DNAH6: variants seen among roughly 807,000 people sequenced by gnomAD.
The protein encoded by DNAH6 is axonemal beta dynein heavy chain 6.
Under a neutral mutation model 491.4 loss-of-function variants are expected in DNAH6, and 340 were observed. The observed-to-expected ratio is 0.69, with a 90% CI of 0.63 to 0.76. The LOEUF (loss-of-function observed/expected upper bound fraction) is 0.76, where lower values mean the gene tolerates loss of function less well. Among genes scored for constraint, DNAH6 ranks in the 30% least tolerant of loss-of-function variants. The probability of loss-of-function intolerance (pLI) is 0.00; values close to 1 mark genes in which losing one functional copy is unlikely to be tolerated. For synonymous variants in DNAH6, 1,603 were observed against 1,686.1 expected (o/e 0.95, Z 1.21); for missense variants, 4,443 against 4,972.2 (o/e 0.89, Z 3.20).
rs1475841765 is a variant in DNAH6 at position 84,805,764 on chromosome 2, C to T, written c.11581C>T (p.Leu3861Phe). 13 of 1,551,358 alleles carry T rather than the reference C, an allele frequency of 8.4e-6. 1 individual carries two copies. In the South Asian group the frequency reaches 1.5e-4, roughly 18 times the overall value. The change falls in exon 71 of 77, where the codon CTT becomes TTT. Residue 3861 changes from leucine (L) to phenylalanine (F), a missense_variant. By Grantham distance (22) the Leu-to-Phe change is conservative (BLOSUM62 0). Around this residue, in one of 3 missense-constraint regions of DNAH6, gnomAD observed 1,463 missense variants for 1,656.6 expected, o/e 0.88. Transcript: ENST00000389394. Reference protein sequence around the residue: ...GKSNDEIVQELVASVQTRVPE... With the variant: ...GKSNDEIVQEFVASVQTRVPE... ...AAGCAATGACGAAATTGTTCAAGAA[C>T]TTGTTGCTTCTGTCCAGACCAGAGT...
At chr2:84,807,640 G>T (rs917868518) in intron 71 of DNAH6, among the ~76,000 whole-genome samples, 7 of 152,106 alleles carry the variant, frequency 4.6e-5, no homozygotes, top group Non-Finnish European at 1.0e-4. Context: ...GGGTCCCTGG[G>T]CCGTCTAGTC....
chr2:84,753,755 TAAAAAAAAAAAA>T (rs1162541312), intron 63 of DNAH6, among the ~76,000 whole-genome samples: 25 of 77,148 alleles, frequency 3.2e-4, no homozygotes, highest in African/African-American at 1.4e-3. Flanking sequence ...GAAACTCTGT[TAAAAAAAAAAAA>T]AAAAAAAAAA....
At chr2:84,695,916 GT>G (rs1297158289) in intron 46 of DNAH6, among the ~76,000 whole-genome samples, 1 of 151,990 alleles carries the variant, frequency 6.6e-6, no homozygotes, top group Non-Finnish European at 1.5e-5. Flanking sequence ...ACTACATTCT[GT>G]TGGAAGCCCC....
intron 37 of DNAH6, among the ~76,000 whole-genome samples, chr2:84,660,463 A>G (rs1691393663): frequency 6.6e-6 from 1 of 152,278 alleles, no homozygotes; most frequent in Non-Finnish European, 1.5e-5. Context: ...ATACCAACTA[A>G]CCTATGCAGA....
chr2:84,651,249 T>C (rs903618178), intron 33 of DNAH6, among the ~76,000 whole-genome samples: 2 of 152,126 alleles, frequency 1.3e-5, no homozygotes, highest in Non-Finnish European at 2.9e-5. Context: ...TATTCTTGGG[T>C]AGGGCTGGAA....
At chr2:84,689,378 A>G (rs567049732) in intron 45 of DNAH6, among the ~76,000 whole-genome samples, 59 of 152,146 alleles carry the variant, frequency 3.9e-4, no homozygotes, top group Non-Finnish European at 7.5e-4. Context: ...GATTCATTTT[A>G]TCATCTCTCA....
At chr2:84,497,958 A>T in the DNAH6 span, among the ~76,000 whole-genome samples, 23 of 152,278 alleles carry the variant, frequency 1.5e-4, no homozygotes, top group East Asian at 4.4e-3. Context: ...CCACATCCCT[A>T]GAAGAGGTCT....
chr2:84,521,922 C>T (rs914414434), intron 2 of DNAH6, among the ~76,000 whole-genome samples: 9 of 151,816 alleles, frequency 5.9e-5, no homozygotes, highest in African/African-American at 2.2e-4. Flanking sequence ...CTCCAGTGTT[C>T]TTCTTTATGC....
At chr2:84,701,370 T>C in intron 49 of DNAH6, 31 bp downstream of exon 49, 1 of 1,534,402 alleles carries the variant, frequency 6.5e-7, no homozygotes, top group Non-Finnish European at 8.8e-7. Context: ...GAAAATATTG[T>C]TTTGCTTGAA....
At chr2:84,792,757 A>G (rs963191170) in intron 68 of DNAH6, among the ~76,000 whole-genome samples, 1 of 152,194 alleles carries the variant, frequency 6.6e-6, no homozygotes, top group African/African-American at 2.4e-5. Flanking sequence ...GTTAGCAATT[A>G]TGGTCTTTTA....
intron 70 of DNAH6, among the ~76,000 whole-genome samples, chr2:84,800,575 A>G (rs1678788851): frequency 6.6e-6 from 1 of 152,200 alleles, no homozygotes; most frequent in Non-Finnish European, 1.5e-5. Flanking sequence ...AGAGCTTCTG[A>G]AATTGAAAAT....
chr2:84,814,435 A>G (rs1680296107), intron 75 of DNAH6, among the ~76,000 whole-genome samples: 1 of 152,236 alleles, frequency 6.6e-6, no homozygotes, highest in South Asian at 2.1e-4. Flanking sequence ...AAACGAGAGA[A>G]GCCTGAGTTT....
chr2:84,718,124 TACAA>T, intron 58 of DNAH6, 76 bp from the exon 59 acceptor site: 1 of 1,212,754 alleles, frequency 8.2e-7, no homozygotes, highest in Non-Finnish European at 1.1e-6. Context: ...TAAGAACGAT[TACAA>T]ACAGAGAAAG....
intron 76 of DNAH6, among the ~76,000 whole-genome samples, chr2:84,818,938 T>C (rs1017870856): frequency 2.0e-5 from 3 of 152,122 alleles, no homozygotes; most frequent in African/African-American, 7.2e-5. Context: ...CCAGGCATGG[T>C]GGTACGCACC....
intron 18 of DNAH6, among the ~76,000 whole-genome samples, chr2:84,597,890 G>A (rs1015247589): frequency 1.3e-5 from 2 of 152,174 alleles, no homozygotes; most frequent in African/African-American, 4.8e-5. Flanking sequence ...GGAGGCCAAG[G>A]TGGGAGGATC....
chr2:84,500,131 C>T, the DNAH6 span, among the ~76,000 whole-genome samples: 1 of 152,222 alleles, frequency 6.6e-6, no homozygotes, highest in East Asian at 1.9e-4. Context: ...GAGATTTTCC[C>T]CAATGCTTTC....
chr2:84,571,934 AAAAAG>A (rs1681936367), intron 11 of DNAH6, among the ~76,000 whole-genome samples: 1 of 152,098 alleles, frequency 6.6e-6, no homozygotes, highest in South Asian at 2.1e-4. Context: ...AAAAAAAAGA[AAAAAG>A]AAAACCAAAA....
intron 42 of DNAH6, among the ~76,000 whole-genome samples, chr2:84,683,349 T>C (rs1031334548): frequency 4.0e-5 from 6 of 151,842 alleles, no homozygotes; most frequent in African/African-American, 9.7e-5. Context: ...AACTCTTAGT[T>C]GCTCCATAAT....
Position 84,733,410 on chromosome 2 carries a change from T to C in DNAH6, c.10207-34T>C, listed in dbSNP as rs996380287. 1.3e-5 allele frequency: 20 copies of C among 1,540,384 alleles called. No homozygotes were observed. The East Asian group carries it at 4.9e-4, about 38-fold the overall frequency. On this transcript the variant is annotated intron_variant, in intron 61 of 76. Transcript: ENST00000389394. ...TGAAAGTATATTTTGTGATTGCCTT[T>C]GTGAATTATTATTCATTTTCTGTCT...
Sources: gnomAD v4.1 joint callset for allele counts (sites outside exome capture counted in the v4.1 genomes callset) on GRCh38, gnomAD v4.1.1 for gene constraint, gnomAD v4.1.1 regional missense constraint, MANE v1.5 for transcripts, NCBI Gene and HGNC (gene_info 2026-07-23, HGNC 2026-07-21) for gene names.